DPP6: variants seen among roughly 807,000 people sequenced by gnomAD.
DPP6 encodes A-type potassium channel modulatory protein DPP6.
A neutral mutation model predicts 122.6 loss-of-function variants in DPP6; 69 were observed. That is an observed-to-expected ratio of 0.56 (90% CI 0.46 to 0.69). The LOEUF (loss-of-function observed/expected upper bound fraction) is 0.69, where lower values mean the gene tolerates loss of function less well. Among genes scored for constraint, DPP6 ranks in the 30% least tolerant of loss-of-function variants. The pLI is 0.00. For missense variants in DPP6, 928 were observed against 1,116.9 expected (o/e 0.83, Z 2.41); for synonymous variants, 418 against 433.1 (o/e 0.97, Z 0.43).
At position 154,194,036 on chromosome 7, in the gene DPP6, G is replaced by A. The variant is rs145307027; in HGVS notation, c.243+140973G>A. Among the ~76,000 whole-genome samples, 705 of 152,208 alleles carry A rather than the reference G, an allele frequency of 4.6e-3. 4 individuals are homozygous for A. The highest frequency in any genetic ancestry group is 8.1e-3 in the Non-Finnish European group (554 of 68,006). On this transcript the variant is annotated intron_variant, in intron 1 of 25. Coordinates refer to ENST00000377770, the MANE Select transcript of DPP6 (RefSeq NM_130797.4). ...AGCTCTGATGAAGTCTAGGAAAATG[G>A]GTGACTCGTCAGAGAAGCTGTTAAA...
chr7:154,140,813 T>G (rs1795807670), intron 1 of DPP6, among the ~76,000 whole-genome samples: 1 of 152,190 alleles, frequency 6.6e-6, no homozygotes. Context: ...AAAACCTTTT[T>G]GGAAGTAGGG....
chr7:154,597,055 A>G (rs1460416886), intron 5 of DPP6, among the ~76,000 whole-genome samples: 1 of 152,174 alleles, frequency 6.6e-6, no homozygotes, highest in Non-Finnish European at 1.5e-5. Flanking sequence ...ATTTTGAGGC[A>G]GAGGGAAGAA....
At chr7:154,008,858 G>T (rs867778607) in intron 1 of DPP6, among the ~76,000 whole-genome samples, 1,977 of 151,208 alleles carry the variant, frequency 0.013, 19 homozygotes, top group Middle Eastern at 0.034. Flanking sequence ...GTAGAGACGG[G>T]GTTTCACCGT....
At chr7:153,988,023 A>G (rs1796935039) in intron 1 of DPP6, among the ~76,000 whole-genome samples, 1 of 152,154 alleles carries the variant, frequency 6.6e-6, no homozygotes, top group South Asian at 2.1e-4. Context: ...GAACCCTGGA[A>G]GCCAGTCCCT....
chr7:154,705,647 G>A (rs575646416), intron 7 of DPP6, among the ~76,000 whole-genome samples: 4 of 152,238 alleles, frequency 2.6e-5, no homozygotes, highest in Non-Finnish European at 4.4e-5. Context: ...ACATGCCTGA[G>A]TGGTATGCCC....
intron 1 of DPP6, among the ~76,000 whole-genome samples, chr7:154,124,795 G>A (rs940423116): frequency 6.6e-6 from 1 of 152,224 alleles, no homozygotes; most frequent in African/African-American, 2.4e-5. Context: ...GAAACTGGGA[G>A]ATCCGTGAGA....
At chr7:153,753,844 C>T in the DPP6 span, among the ~76,000 whole-genome samples, 1,033 of 152,238 alleles carry the variant, frequency 6.8e-3, 39 homozygotes, top group Admixed American at 0.065. Flanking sequence ...CCCATTTGCG[C>T]TCCTAGAATG....
intron 8 of DPP6, among the ~76,000 whole-genome samples, chr7:154,739,234 C>T (rs955547378): frequency 6.6e-6 from 1 of 152,206 alleles, no homozygotes; most frequent in Non-Finnish European, 1.5e-5. Context: ...GGAGGCCAGA[C>T]ATGTCTGGGA....
chr7:154,359,436 C>T (rs947749888), intron 1 of DPP6, among the ~76,000 whole-genome samples: 17 of 152,234 alleles, frequency 1.1e-4, no homozygotes, highest in African/African-American at 4.1e-4. Context: ...GCAGGAGCCC[C>T]CAGCCCCTGC....
intron 3 of DPP6, among the ~76,000 whole-genome samples, chr7:154,511,773 T>C (rs541583790): frequency 2.0e-5 from 3 of 150,668 alleles, no homozygotes; most frequent in Non-Finnish European, 2.9e-5. Context: ...TTCTAGAGAA[T>C]CAATTATGAT....
intron 1 of DPP6, among the ~76,000 whole-genome samples, chr7:154,347,744 C>T (rs764107343): frequency 2.0e-5 from 3 of 152,174 alleles, no homozygotes; most frequent in Non-Finnish European, 4.4e-5. Context: ...AGACTGTGAT[C>T]CCATTAGAGG....
At chr7:154,441,646 A>G (rs1238182768) in intron 1 of DPP6, among the ~76,000 whole-genome samples, 1 of 152,208 alleles carries the variant, frequency 6.6e-6, no homozygotes, top group Non-Finnish European at 1.5e-5. Context: ...AGAGGAGAGA[A>G]CAGGGATGCA....
chr7:154,559,394 ATAAAG>A (rs2130461092), intron 4 of DPP6, among the ~76,000 whole-genome samples: 1 of 151,840 alleles, frequency 6.6e-6, no homozygotes, highest in South Asian at 2.1e-4. Flanking sequence ...GTTGGACAGT[ATAAAG>A]TAGACTAATA....
intron 1 of DPP6, among the ~76,000 whole-genome samples, chr7:154,242,992 G>C (rs1440212064): frequency 6.6e-6 from 1 of 152,120 alleles, no homozygotes; most frequent in Non-Finnish European, 1.5e-5. Flanking sequence ...TGAAACCTCA[G>C]AAAGTCCACA....
rs561559008 is a variant in DPP6 at position 154,013,503 on chromosome 7, T to TA, written c.51+125778dup. 2.1e-3 allele frequency among the ~76,000 whole-genome samples: 318 copies of TA among 148,152 alleles called. 2 individuals carry two copies. Among genetic ancestry groups the TA allele is most frequent in the African/African-American group, 6.2e-3 (252 of 40,466 alleles). On this transcript the variant is annotated intron_variant, in intron 1 of 25. Coordinates refer to the DPP6 transcript ENST00000404039. ...AAATTCAGGTCTTTGTTCTAGAAGTTAAAAAAAAACAACATACAACCAAAT... is the reference window on the plus strand; with the variant it reads ...AAATTCAGGTCTTTGTTCTAGAAGTTAAAAAAAAAACAACATACAACCAAAT...
the DPP6 span, among the ~76,000 whole-genome samples, chr7:153,846,819 A>C: frequency 6.6e-6 from 1 of 150,702 alleles, no homozygotes; most frequent in Non-Finnish European, 1.5e-5. Flanking sequence ...CAGCCTCCCA[A>C]GTAGCTGGGA....
At chr7:154,706,696 G>C in intron 7 of DPP6, among the ~76,000 whole-genome samples, 1 of 152,238 alleles carries the variant, frequency 6.6e-6, no homozygotes, top group East Asian at 1.9e-4. Flanking sequence ...AGTGGACACT[G>C]AACACGTACT....
At chr7:154,300,682 G>A (rs1272977025) in intron 1 of DPP6, among the ~76,000 whole-genome samples, 1 of 152,186 alleles carries the variant, frequency 6.6e-6, no homozygotes, top group Non-Finnish European at 1.5e-5. Flanking sequence ...GTTGGGGCAA[G>A]GGCTTGGATC....
chr7:154,441,476 C>CT (rs987263943), intron 1 of DPP6, among the ~76,000 whole-genome samples: 2 of 152,194 alleles, frequency 1.3e-5, no homozygotes, highest in Non-Finnish European at 2.9e-5. Context: ...TGTCCCACTC[C>CT]TTTCCTCCTT....
Sources: gnomAD v4.1 joint callset for allele counts (sites outside exome capture counted in the v4.1 genomes callset) on GRCh38, gnomAD v4.1.1 for gene constraint, MANE v1.5 for transcripts, NCBI Gene and HGNC (gene_info 2026-07-23, HGNC 2026-07-21) for gene names.